TADA2A: variants seen among roughly 807,000 people sequenced by gnomAD.
TADA2A encodes the protein transcriptional adapter 2-alpha.
TADA2A carries 38 observed loss-of-function variants against 67.4 expected under a neutral mutation model. That is an observed-to-expected ratio of 0.56 (90% CI 0.44 to 0.74). The LOEUF (loss-of-function observed/expected upper bound fraction) is 0.74, where lower values mean the gene tolerates loss of function less well. Ranked by LOEUF, TADA2A falls within the 30% of genes least tolerant of loss-of-function variation. The pLI is 0.00. For missense variants in TADA2A, 454 were observed against 547.0 expected, an observed-to-expected ratio of 0.83 and a Z score of 1.70; for synonymous variants, 192 against 181.6, an observed-to-expected ratio of 1.06 and a Z score of -0.46.
intron 9 of TADA2A, among the ~76,000 whole-genome samples, chr17:37,458,938 A>G (rs1464828798): frequency 6.6e-6 from 1 of 151,938 alleles, no homozygotes; most frequent in Non-Finnish European, 1.5e-5. Context: ...TCAGCTCCCA[A>G]AGTGTTAGGA....
chr17:37,418,813 C>A (rs913345457), intron 2 of TADA2A, among the ~76,000 whole-genome samples: 3 of 151,648 alleles, frequency 2.0e-5, no homozygotes, highest in African/African-American at 7.3e-5. Context: ...GGTCTTAAAC[C>A]CCTAACCTCT....
chr17:37,447,378 C>T (rs1270597265), intron 8 of TADA2A, among the ~76,000 whole-genome samples: 1 of 152,180 alleles, frequency 6.6e-6, no homozygotes, highest in African/African-American at 2.4e-5. Context: ...TGGTCTCAAA[C>T]TCTTGGCCTC....
intron 8 of TADA2A, chr17:37,454,710 T>C: frequency 2.9e-6 from 1 of 346,528 alleles, no homozygotes. Context: ...GCAGTCAAAT[T>C]CCAGAAGGCC....
At chr17:37,459,911 C>CA (rs1310793690) in intron 9 of TADA2A, among the ~76,000 whole-genome samples, 1 of 149,588 alleles carries the variant, frequency 6.7e-6, no homozygotes, top group Non-Finnish European at 1.5e-5. Context: ...ACTAAAAATA[C>CA]AAAAATTAGC....
chr17:37,428,130 T>G (rs1362407841), intron 4 of TADA2A, among the ~76,000 whole-genome samples: 1 of 152,222 alleles, frequency 6.6e-6, no homozygotes, highest in Non-Finnish European at 1.5e-5. Context: ...AAATTTCACA[T>G]AGTAGATTAA....
intron 4 of TADA2A, among the ~76,000 whole-genome samples, chr17:37,427,437 A>G (rs2052442180): frequency 1.3e-5 from 2 of 152,324 alleles, no homozygotes; most frequent in Non-Finnish European, 2.9e-5. Flanking sequence ...CCTTGGGGAA[A>G]TTAGTTACCT....
chr17:37,459,240 TG>T (rs1352598662), intron 9 of TADA2A, among the ~76,000 whole-genome samples: 1 of 130,566 alleles, frequency 7.7e-6, no homozygotes, highest in African/African-American at 3.1e-5. Context: ...AAGACAGTAT[TG>T]TTACACTTTT....
chr17:37,451,871 C>T (rs763707793), intron 8 of TADA2A, among the ~76,000 whole-genome samples: 7 of 152,054 alleles, frequency 4.6e-5, no homozygotes, highest in African/African-American at 1.7e-4. Flanking sequence ...GTAATCCCAG[C>T]TACTTGGGAG....
At chr17:37,466,155 TCA>T (rs2053661023) in intron 11 of TADA2A, among the ~76,000 whole-genome samples, 1 of 152,174 alleles carries the variant, frequency 6.6e-6, no homozygotes, top group Non-Finnish European at 1.5e-5. Context: ...GCGTGGTGGC[TCA>T]CACCTGTAAT....
chr17:37,423,263 T>TA (rs1268713684), intron 2 of TADA2A, among the ~76,000 whole-genome samples: 1 of 152,140 alleles, frequency 6.6e-6, no homozygotes, highest in Non-Finnish European at 1.5e-5. Flanking sequence ...CAAACAAACA[T>TA]ATGCTTGTAA....
intron 1 of TADA2A, chr17:37,407,887 C>G (rs943288664): frequency 2.0e-5 from 3 of 152,284 alleles, no homozygotes; most frequent in African/African-American, 7.3e-5. Context: ...CCACGCCCGG[C>G]CCTACTATTT....
intron 8 of TADA2A, chr17:37,454,931 A>G (rs1210803563): frequency 9.6e-6 from 2 of 207,952 alleles, no homozygotes; most frequent in African/African-American, 2.3e-5. Flanking sequence ...AGGTGGTTCA[A>G]AACACCAAGT....
intron 1 of TADA2A, chr17:37,408,489 G>A (rs1411109334): frequency 1.3e-5 from 2 of 151,910 alleles, no homozygotes; most frequent in Non-Finnish European, 2.9e-5. Context: ...GACTTCAGGT[G>A]ATCTGCCTGC....
chr17:37,470,626 TA>T (rs1320546860), intron 13 of TADA2A, 94 bp downstream of exon 13: 1 of 1,294,196 alleles, frequency 7.7e-7, no homozygotes, highest in East Asian at 2.6e-5. Flanking sequence ...AGAGTAATAA[TA>T]ATTGAGTAGC....
At chr17:37,453,649 C>T (rs1309073248) in intron 8 of TADA2A, among the ~76,000 whole-genome samples, 1 of 151,842 alleles carries the variant, frequency 6.6e-6, no homozygotes, top group African/African-American at 2.4e-5. Flanking sequence ...GAACTTGGAT[C>T]TCACATTCTT....
At position 37,462,082 on chromosome 17, in the gene TADA2A, A is replaced by G. The variant is rs150744923; in HGVS notation, c.673A>G (p.Ile225Val). 309 of 1,570,736 alleles carry G rather than the reference A, an allele frequency of 2.0e-4. No homozygotes were observed. The African/African-American group carries it at 3.6e-3, about 18-fold the overall frequency. The change falls in exon 10 of 16, where the codon ATA becomes GTA. Residue 225 changes from isoleucine (I) to valine (V), a missense_variant. By Grantham distance (29) the Ile-to-Val change is conservative. This residue lies in a region of TADA2A where 403 missense variants were observed against 455.5 expected (regional missense o/e 0.88). Transcript: ENST00000615182. ...TATTGTGGCTTTTCATTCTAGAATT[A>G]TAAGAGACCATGGATTAATCAACCT... Reference protein sequence around the residue: ...LKERQRRKKIIRDHGLINLRK... With the variant: ...LKERQRRKKIVRDHGLINLRK...
intron 3 of TADA2A, among the ~76,000 whole-genome samples, chr17:37,425,159 C>A (rs770182233): frequency 2.0e-5 from 3 of 152,148 alleles, no homozygotes; most frequent in Non-Finnish European, 2.9e-5. Context: ...GGATTACAGG[C>A]GTGAGCTACC....
chr17:37,443,727 T>C (rs747946267), intron 7 of TADA2A, among the ~76,000 whole-genome samples: 6 of 152,174 alleles, frequency 3.9e-5, no homozygotes, highest in African/African-American at 7.2e-5. Flanking sequence ...TGGGATAATA[T>C]AAGAATAAAT....
At chr17:37,423,732 T>C in intron 3 of TADA2A, 117 bp downstream of exon 3, 1 of 736,498 alleles carries the variant, frequency 1.4e-6, no homozygotes. Context: ...ATCTATTCCT[T>C]CCAATTTTTC....
Sources: gnomAD v4.1 joint callset for allele counts (sites outside exome capture counted in the v4.1 genomes callset) on GRCh38, gnomAD v4.1.1 for gene constraint, gnomAD v4.1.1 regional missense constraint, MANE v1.5 for transcripts, NCBI Gene and HGNC (gene_info 2026-07-23, HGNC 2026-07-21) for gene names.